The following ESCO2 variants were observed in gnomAD, a reference collection of about 807,000 sequenced individuals.
ESCO2 encodes N-acetyltransferase ESCO2.
Under a neutral mutation model 61.7 loss-of-function variants are expected in ESCO2, and 51 were observed. The observed-to-expected ratio is 0.83, with a 90% CI of 0.66 to 1.04. The LOEUF is 1.04. Among genes scored for constraint, ESCO2 ranks in the 50% least tolerant of loss-of-function variants. The pLI is 0.00. For synonymous variants in ESCO2, 230 were observed against 238.2 expected, an observed-to-expected ratio of 0.97 and a Z score of 0.32; for missense variants, 692 against 686.2, an observed-to-expected ratio of 1.01 and a Z score of -0.09.
At position 27,784,003 on chromosome 8, in the gene ESCO2, C is replaced by T. The variant is rs564755428; in HGVS notation, c.959C>T (p.Ser320Phe). The change falls in exon 5 of 11, where the codon TCT becomes TTT. Residue 320 changes from serine to phenylalanine, a missense_variant. Ser to Phe is a radical substitution (Grantham distance 155). Coordinates refer to ENST00000305188, the MANE Select transcript of ESCO2 (RefSeq NM_001017420.3). Reference protein sequence around the residue: ...EDSLGENKTISPKSTVYPIFS... With the variant: ...EDSLGENKTIFPKSTVYPIFS... ...ATCATGATTTTTCCCCTACCAGTTT[C>T]TCCTAAGTCCACTGTCTATCCAATC... 1.9e-6 allele frequency: 3 copies of T among 1,612,456 alleles called. No homozygotes were observed. Among genetic ancestry groups the T allele is most frequent in the South Asian group, 2.2e-5 (2 of 91,042 alleles).
chr8:27,787,140 T>G (rs1805064133), intron 5 of ESCO2, among the ~76,000 whole-genome samples: 1 of 152,156 alleles, frequency 6.6e-6, no homozygotes, highest in Non-Finnish European at 1.5e-5. Flanking sequence ...AAGTGAAATC[T>G]CTAGATTTTA....
At chr8:27,795,493 GA>G (rs1254282662) in intron 9 of ESCO2, among the ~76,000 whole-genome samples, 1 of 152,076 alleles carries the variant, frequency 6.6e-6, no homozygotes, top group East Asian at 1.9e-4. Context: ...CTTTAAATTT[GA>G]ATGCCTTTCT....
intron 10 of ESCO2, among the ~76,000 whole-genome samples, chr8:27,802,907 C>T (rs1391812333): frequency 8.6e-5 from 13 of 151,018 alleles, no homozygotes; most frequent in Admixed American, 6.6e-4. Flanking sequence ...CCACCATGCC[C>T]GGCTAATTTT....
intron 7 of ESCO2, among the ~76,000 whole-genome samples, chr8:27,791,710 C>T (rs192604666): frequency 3.3e-5 from 5 of 152,252 alleles, no homozygotes; most frequent in Admixed American, 6.5e-5. Flanking sequence ...TGTGAGCCAC[C>T]GCACCTTTAC....
At chr8:27,782,630 T>A in intron 4 of ESCO2, among the ~76,000 whole-genome samples, 1 of 151,914 alleles carries the variant, frequency 6.6e-6, no homozygotes, top group South Asian at 2.1e-4. Context: ...TGGAATCCTA[T>A]ATCAGCTCAT....
chr8:27,795,455 A>G (rs942947501), intron 9 of ESCO2, among the ~76,000 whole-genome samples: 7 of 152,116 alleles, frequency 4.6e-5, no homozygotes, highest in African/African-American at 1.4e-4. Context: ...AGTTCATGTC[A>G]TTTGCAAACA....
intron 9 of ESCO2, among the ~76,000 whole-genome samples, chr8:27,794,709 T>C (rs987021507): frequency 6.6e-6 from 1 of 152,186 alleles, no homozygotes; most frequent in Non-Finnish European, 1.5e-5. Flanking sequence ...CAGTTTCAGG[T>C]CCCTCATTTT....
downstream of ESCO2, chr8:27,811,236 G>A (rs1299988691): frequency 7.6e-6 from 7 of 923,846 alleles, no homozygotes; most frequent in Non-Finnish European, 1.2e-5. Flanking sequence ...TAGTTCACAG[G>A]TTAATCAGTG....
intron 4 of ESCO2, among the ~76,000 whole-genome samples, chr8:27,782,260 A>G (rs763273416): frequency 3.9e-5 from 6 of 152,146 alleles, no homozygotes; most frequent in Non-Finnish European, 8.8e-5. Context: ...ATAACCAATT[A>G]GAGTGCAATT....
downstream of ESCO2, chr8:27,811,024 T>G (rs971738492): frequency 1.9e-6 from 3 of 1,613,156 alleles, no homozygotes. Context: ...TCCCACAAAG[T>G]AAGGCCAAAG....
Position 27,792,649 on chromosome 8 carries a change from T to A in ESCO2, c.1354-19T>A. The A allele has an allele frequency of 6.2e-7, 1 of 1,610,514 alleles. No individual in the cohort carries two copies. On this transcript the variant is annotated intron_variant, in intron 8 of 10. Transcript: ENST00000305188. ...TACTTTTTAAAACATTCACCTGTCT[T>A]GGTTTTTAAAATCATTAGGTAGAAG...
chr8:27,773,177 C>G (rs968058407), upstream of ESCO2, among the ~76,000 whole-genome samples: 1 of 152,128 alleles, frequency 6.6e-6, no homozygotes, highest in African/African-American at 2.4e-5. Flanking sequence ...AGATAAGACC[C>G]CATCATGTTC....
chr8:27,791,289 C>A (rs1215276767), intron 7 of ESCO2, among the ~76,000 whole-genome samples: 1 of 152,098 alleles, frequency 6.6e-6, no homozygotes, highest in East Asian at 1.9e-4. Flanking sequence ...ATTTCAACCT[C>A]ATTTTTTCCA....
Position 27,792,829 on chromosome 8 carries a change from T to G in ESCO2, c.1497+18T>G, listed in dbSNP as rs1308753331. On this transcript the variant is annotated intron_variant, in intron 9 of 10. Coordinates refer to ENST00000305188, the MANE Select transcript of ESCO2 (RefSeq NM_001017420.3). ...TCAAACAGGTATGGTATATTTGTTT[T>G]AAATTATTGGCATAATTTGCAGGCA... The G allele has an allele frequency of 1.3e-6, 2 of 1,552,634 alleles. No individual in the cohort carries two copies. Among genetic ancestry groups the G allele is most frequent in the Admixed American group, 2.1e-5 (1 of 48,698 alleles).
chr8:27,789,036 C>T, intron 7 of ESCO2, 58 bp downstream of exon 7: 1 of 1,607,352 alleles, frequency 6.2e-7, no homozygotes, highest in Non-Finnish European at 8.5e-7. Context: ...AGAGACATTT[C>T]TTTTCCACCA....
chr8:27,792,149 T>C, intron 8 of ESCO2, 97 bp downstream of exon 8: 4 of 1,098,008 alleles, frequency 3.6e-6, no homozygotes, highest in South Asian at 1.3e-5. Context: ...GATAATTCAC[T>C]TGGGTACCTG....
downstream of ESCO2, among the ~76,000 whole-genome samples, chr8:27,815,913 T>TC (rs1238669275): frequency 6.6e-6 from 1 of 152,226 alleles, no homozygotes; most frequent in Admixed American, 6.5e-5. Context: ...TTTGATGAGA[T>TC]CATAAACTAA....
downstream of ESCO2, among the ~76,000 whole-genome samples, chr8:27,812,917 C>A (rs1329670097): frequency 6.6e-6 from 1 of 152,160 alleles, no homozygotes; most frequent in African/African-American, 2.4e-5. Context: ...TGTGGCAATC[C>A]CTCAAGGATC....
intron 10 of ESCO2, among the ~76,000 whole-genome samples, chr8:27,803,028 T>G (rs1805484486): frequency 6.6e-6 from 1 of 152,086 alleles, no homozygotes; most frequent in Admixed American, 6.6e-5. Flanking sequence ...CCACTGCGCC[T>G]GGCCTAGCAA....
Sources: gnomAD v4.1 joint callset for allele counts (sites outside exome capture counted in the v4.1 genomes callset) on GRCh38, gnomAD v4.1.1 for gene constraint, MANE v1.5 for transcripts, NCBI Gene and HGNC (gene_info 2026-07-23, HGNC 2026-07-21) for gene names.